FGF12: variants seen among roughly 807,000 people sequenced by gnomAD.
FGF12 encodes fibroblast growth factor 12.
FGF12 carries 14 observed loss-of-function variants against 23.6 expected under a neutral mutation model. The ratio of observed to expected loss-of-function variants is 0.59; its 90% CI spans 0.39 to 0.93. The LOEUF (loss-of-function observed/expected upper bound fraction) is 0.93. Ranked by LOEUF, FGF12 falls within the 40% of genes least tolerant of loss-of-function variation. FGF12 has a pLI of 0.00. For missense variants in FGF12, 175 were observed against 217.8 expected (o/e 0.80, Z 1.24); for synonymous variants, 62 against 77.3 (o/e 0.80, Z 1.04).
At chr3:192,506,175 A>C (rs1353484343) in intron 2 of FGF12, among the ~76,000 whole-genome samples, 1 of 152,212 alleles carries the variant, frequency 6.6e-6, no homozygotes. Context: ...AGTTACTGAT[A>C]TCAATCTCTT....
chr3:192,509,746 A>C (rs902402018), intron 2 of FGF12, among the ~76,000 whole-genome samples: 2 of 152,226 alleles, frequency 1.3e-5, no homozygotes, highest in East Asian at 3.8e-4. Flanking sequence ...TTGGTATGCT[A>C]AGCTAATTAT....
Position 192,208,686 on chromosome 3 carries a change from CAA to C in FGF12, c.229-38032_229-38031del, listed in dbSNP as rs568214813. On this transcript the variant is annotated intron_variant, in intron 4 of 5. Transcript: ENST00000445105. ...ATGTAGAATAATTTCAATTTTAAAA[CAA>C]AAAACACTGTTGGGAACCCTCTTTG... Among the ~76,000 whole-genome samples, 138 of 152,154 alleles carry C rather than the reference CAA, an allele frequency of 9.1e-4. 1 individual carries two copies. Among genetic ancestry groups the C allele is most frequent in the African/African-American group, 2.9e-3 (119 of 41,530 alleles).
intron 2 of FGF12, among the ~76,000 whole-genome samples, chr3:192,533,075 A>T (rs1157944166): frequency 6.6e-6 from 1 of 152,196 alleles, no homozygotes. Context: ...GAAAAAATTT[A>T]AAATAGCGTG....
intron 5 of FGF12, among the ~76,000 whole-genome samples, chr3:192,158,389 TTC>T (rs1222434355): frequency 1.5e-4 from 14 of 93,344 alleles, no homozygotes; most frequent in African/African-American, 9.2e-4. Flanking sequence ...TTTCTTTTCT[TTC>T]TCTCTCTTTC....
chr3:192,243,256 A>G (rs1487548735), intron 4 of FGF12, among the ~76,000 whole-genome samples: 1 of 152,052 alleles, frequency 6.6e-6, no homozygotes, highest in Non-Finnish European at 1.5e-5. Context: ...AGAAAGAATA[A>G]CTAGGATGAT....
chr3:192,620,224 GATCA>G (rs1227746023), intron 2 of FGF12, among the ~76,000 whole-genome samples: 2 of 147,838 alleles, frequency 1.4e-5, no homozygotes, highest in Middle Eastern at 3.5e-3. Context: ...AGTTTAACAA[GATCA>G]ATTACACACA....
intron 4 of FGF12, among the ~76,000 whole-genome samples, chr3:192,328,556 T>C (rs564357698): frequency 3.0e-4 from 46 of 152,332 alleles, no homozygotes; most frequent in African/African-American, 9.9e-4. Context: ...TTTCTTCCCA[T>C]GGCAGATTTT....
chr3:192,151,237 AG>A (rs1460298402), intron 5 of FGF12, among the ~76,000 whole-genome samples: 1 of 114,140 alleles, frequency 8.8e-6, no homozygotes, highest in Non-Finnish European at 1.9e-5. Flanking sequence ...GGGGTTTTCT[AG>A]ACATACAATC....
intron 4 of FGF12, among the ~76,000 whole-genome samples, chr3:192,260,659 A>G (rs1001151823): frequency 6.6e-6 from 1 of 152,182 alleles, no homozygotes; most frequent in African/African-American, 2.4e-5. Flanking sequence ...ATTTTGGAGA[A>G]AGCCTGTTAT....
chr3:192,645,333 G>A (rs555165528), intron 2 of FGF12, among the ~76,000 whole-genome samples: 1 of 152,224 alleles, frequency 6.6e-6, no homozygotes, highest in South Asian at 2.1e-4. Context: ...GATAGTGATG[G>A]TGGAAATAAA....
At chr3:192,247,199 GT>G (rs1319515932) in intron 4 of FGF12, among the ~76,000 whole-genome samples, 7 of 152,096 alleles carry the variant, frequency 4.6e-5, no homozygotes, top group Non-Finnish European at 8.8e-5. Flanking sequence ...GGAAACATTT[GT>G]GTAGCACAAA....
At position 192,725,614 on chromosome 3, in the gene FGF12, T is replaced by C. The variant is rs192591305; in HGVS notation, c.13+1567A>G. On this transcript the variant is annotated intron_variant, in intron 2 of 5. Transcript: ENST00000445105. ...TACTGCCGAGAGATATAGCCTCTTTTTATGATTGAACAGGAATTAGTATAC... is the reference window on the plus strand; with the variant it reads ...TACTGCCGAGAGATATAGCCTCTTTCTATGATTGAACAGGAATTAGTATAC... 3.9e-5 allele frequency among the ~76,000 whole-genome samples: 6 copies of C among 152,312 alleles called. No homozygotes were observed. The East Asian group carries it at 1.2e-3, about 29-fold the overall frequency.
At chr3:192,430,719 C>A (rs1201525538) in intron 2 of FGF12, among the ~76,000 whole-genome samples, 3 of 151,944 alleles carry the variant, frequency 2.0e-5, no homozygotes, top group African/African-American at 7.3e-5. Context: ...ATGAGTTTGG[C>A]CCTAGGGTGA....
At chr3:192,662,452 T>C (rs1331938928) in intron 2 of FGF12, among the ~76,000 whole-genome samples, 8 of 152,194 alleles carry the variant, frequency 5.3e-5, no homozygotes, top group Non-Finnish European at 1.2e-4. Flanking sequence ...TCTAAAATGC[T>C]CTTTCTCAGG....
intron 2 of FGF12, among the ~76,000 whole-genome samples, chr3:192,674,589 T>TA (rs920106917): frequency 7.2e-5 from 11 of 152,054 alleles, no homozygotes; most frequent in South Asian, 4.2e-4. Flanking sequence ...CTTTCCACTG[T>TA]AAAAAAAAGT....
intron 2 of FGF12, among the ~76,000 whole-genome samples, chr3:192,598,008 A>G (rs563297628): frequency 2.6e-5 from 4 of 152,350 alleles, no homozygotes; most frequent in African/African-American, 9.6e-5. Flanking sequence ...GAAAACAGTC[A>G]ACACTTTGTT....
chr3:192,396,604 T>A (rs995278728), intron 2 of FGF12, among the ~76,000 whole-genome samples: 2 of 152,366 alleles, frequency 1.3e-5, no homozygotes, highest in Non-Finnish European at 2.9e-5. Context: ...TAATGAGCTC[T>A]GTTTTCCAAT....
At chr3:192,351,228 T>G (rs1313309359) in intron 3 of FGF12, among the ~76,000 whole-genome samples, 1 of 152,156 alleles carries the variant, frequency 6.6e-6, no homozygotes, top group Non-Finnish European at 1.5e-5. Flanking sequence ...TATTATCTTT[T>G]CTAAACGCTT....
At position 192,510,393 on chromosome 3, in the gene FGF12, C is replaced by T. The variant is rs144882531; in HGVS notation, c.14-149855G>A. ...TGAAAAGATATTCAATATCATATGT[C>T]ATCAGGGAATTGTAAATTGCATCAA... On this transcript the variant is annotated intron_variant, in intron 2 of 5. Transcript: ENST00000445105. 7.4e-4 allele frequency among the ~76,000 whole-genome samples: 112 copies of T among 152,294 alleles called. 1 individual carries two copies. In the East Asian group the frequency reaches 0.02, roughly 27 times the overall value.
Sources: gnomAD v4.1 joint callset for allele counts (sites outside exome capture counted in the v4.1 genomes callset) on GRCh38, gnomAD v4.1.1 for gene constraint, MANE v1.5 for transcripts, NCBI Gene and HGNC (gene_info 2026-07-23, HGNC 2026-07-21) for gene names.